NR1H4: variants seen among roughly 807,000 people sequenced by gnomAD.
NR1H4 encodes bile acid receptor.
NR1H4 carries 23 observed loss-of-function variants against 58.5 expected under a neutral mutation model. The observed-to-expected ratio is 0.39, with a 90% CI of 0.28 to 0.56. NR1H4 has a LOEUF of 0.56. Ranked by LOEUF, NR1H4 falls within the 20% of genes least tolerant of loss-of-function variation. The pLI is 0.58. For missense variants in NR1H4, 487 were observed against 576.9 expected (o/e 0.84, Z 1.60); for synonymous variants, 214 against 198.0 (o/e 1.08, Z -0.68).
At chr12:100,546,127 T>TGGAGGCTATCAGCC (rs1593122421) in intron 9 of NR1H4, among the ~76,000 whole-genome samples, 1 of 152,264 alleles carries the variant, frequency 6.6e-6, no homozygotes, top group East Asian at 1.9e-4. Flanking sequence ...GGGCGGCAGC[T>TGGAGGCTATCAGCC]GGAGGCTATC....
intron 1 of NR1H4, among the ~76,000 whole-genome samples, chr12:100,492,178 G>A (rs187099104): frequency 6.6e-6 from 1 of 152,146 alleles, no homozygotes; most frequent in Non-Finnish European, 1.5e-5. Flanking sequence ...GAAGGAAACA[G>A]GTTTCTGGTG....
rs948660887 is a variant in NR1H4, at chr12:100,475,711, C to A, written c.-190+1652C>A. Among the ~76,000 whole-genome samples, 4 of 152,260 alleles carry A rather than the reference C, an allele frequency of 2.6e-5. No homozygotes were observed. In the East Asian group the frequency reaches 5.8e-4, roughly 22 times the overall value. ...TTCGCCTGTTTCCTTCTCACAAAAA[C>A]CCTGTATGGGAGTTTTTCTTTACTT... On this transcript the variant is annotated intron_variant, in intron 1 of 10. Coordinates refer to ENST00000392986, the MANE Select transcript of NR1H4 (RefSeq NM_001206979.2).
At chr12:100,500,016 A>G (rs2136120740) in intron 3 of NR1H4, 1 of 455,336 alleles carries the variant, frequency 2.2e-6, no homozygotes, top group Non-Finnish European at 4.4e-6. Flanking sequence ...CTCACAACAC[A>G]CCTATAAGGT....
intron 1 of NR1H4, among the ~76,000 whole-genome samples, chr12:100,485,352 G>C (rs1162841339): frequency 3.9e-5 from 6 of 152,122 alleles, no homozygotes; most frequent in African/African-American, 7.2e-5. Context: ...AGGCTGGGTT[G>C]GGTCTGAGAG....
chr12:100,559,575 G>A (rs375895784), intron 9 of NR1H4, among the ~76,000 whole-genome samples: 27 of 152,192 alleles, frequency 1.8e-4, no homozygotes, highest in African/African-American at 6.3e-4. Flanking sequence ...CCAGCCCACC[G>A]GCGCTGCGCT....
At chr12:100,549,797 T>C (rs2136285299) in intron 9 of NR1H4, among the ~76,000 whole-genome samples, 1 of 152,338 alleles carries the variant, frequency 6.6e-6, no homozygotes, top group African/African-American at 2.4e-5. Flanking sequence ...ATTTTATCTA[T>C]AATGTTTTCA....
intron 3 of NR1H4, among the ~76,000 whole-genome samples, chr12:100,499,262 C>T (rs910524151): frequency 3.3e-5 from 5 of 152,270 alleles, no homozygotes; most frequent in Admixed American, 6.5e-5. Flanking sequence ...CTCAAGTGAA[C>T]GTAGTTCTGA....
chr12:100,508,381 A>T (rs1169470435), intron 3 of NR1H4, among the ~76,000 whole-genome samples: 2 of 152,118 alleles, frequency 1.3e-5, no homozygotes, highest in Non-Finnish European at 2.9e-5. Flanking sequence ...GTTATAGGTT[A>T]TGTGCAAGCG....
In NR1H4 at chr12:100,510,760, G is replaced by A; in HGVS notation, c.80-18G>A. On this transcript the variant is annotated intron_variant, in intron 3 of 10. Transcript: ENST00000392986. ...GAATGATGACATTCATTCCAGTTTT[G>A]TTGTCACTTTTGTTCAGGTGTTTTA... 2 of 1,613,648 alleles carry A rather than the reference G, an allele frequency of 1.2e-6. No homozygotes were observed. Among genetic ancestry groups the A allele is most frequent in the Non-Finnish European group, 1.7e-6 (2 of 1,179,780 alleles).
In NR1H4 at chr12:100,563,535, T is replaced by A; in HGVS notation, c.*46T>A. ...TCTAGCTCCTTTTTCTCTCTCATAT[T>A]AATCTGATGTATAACTTTCCTTTAT... On this transcript the variant is annotated 3_prime_UTR_variant, in exon 11 of 11. Transcript: ENST00000392986. 1 of 1,368,892 alleles carries A rather than the reference T, an allele frequency of 7.3e-7. No individual in the cohort carries two copies. Among genetic ancestry groups the A allele is most frequent in the Non-Finnish European group, 1.0e-6 (1 of 956,214 alleles). 84.8% of individuals were successfully genotyped at this position (1,368,892 alleles called of 1,614,324 possible). A position where few individuals can be genotyped will look rare whatever the true frequency, so the allele number is the denominator to read the frequency against.
intron 4 of NR1H4, among the ~76,000 whole-genome samples, chr12:100,523,967 A>C (rs1954491767): frequency 6.6e-6 from 1 of 152,230 alleles, no homozygotes; most frequent in African/African-American, 2.4e-5. Flanking sequence ...AAAAAGATTA[A>C]GAAATATAAA....
chr12:100,509,264 C>G lies in NR1H4; in HGVS notation c.80-1514C>G, dbSNP rs145512914. Reference sequence around the variant, plus strand: ...ATTGTCTGACAACACTTTGAAGAGTCAGACACATTTGTAAACTTTCCTATC... The same window carrying G: ...ATTGTCTGACAACACTTTGAAGAGTGAGACACATTTGTAAACTTTCCTATC... On this transcript the variant is annotated intron_variant, in intron 3 of 10. Coordinates refer to ENST00000392986, the MANE Select transcript of NR1H4 (RefSeq NM_001206979.2). Among the ~76,000 whole-genome samples, 205 of 152,286 alleles carry G rather than the reference C, an allele frequency of 1.3e-3. 1 individual carries two copies. Among genetic ancestry groups the G allele is most frequent in the African/African-American group, 4.6e-3 (193 of 41,566 alleles).
chr12:100,503,225 A>G (rs182811097), intron 3 of NR1H4: 1 of 815,044 alleles, frequency 1.2e-6, no homozygotes. Flanking sequence ...TTTATCTAAG[A>G]GACTGGTTTC....
chr12:100,546,117 G>A (rs1170004995), intron 9 of NR1H4, among the ~76,000 whole-genome samples: 1 of 152,142 alleles, frequency 6.6e-6, no homozygotes, highest in Non-Finnish European at 1.5e-5. Flanking sequence ...AGCACTCACA[G>A]GGCGGCAGCT....
intron 4 of NR1H4, 29 bp downstream of exon 4, chr12:100,511,172 C>T (rs746405280): frequency 2.0e-5 from 33 of 1,613,892 alleles, no homozygotes; most frequent in East Asian, 2.2e-5. Context: ...CAGTTTTCTC[C>T]TTCAGGTTTT....
rs1042349068 is a variant in NR1H4 at position 100,493,313 on chromosome 12, G to A, written c.-11G>A. 5.5e-6 allele frequency: 8 copies of A among 1,460,062 alleles called. No homozygotes were observed. Among genetic ancestry groups the A allele is most frequent in the Middle Eastern group, 1.7e-4 (1 of 5,752 alleles). 90.4% of individuals were successfully genotyped at this position (1,460,062 alleles called of 1,614,324 possible). ...ACCATAAAGAAAGTGCATTTCAATT[G>A]AAAAATTTGGATGGGATCAAAAATG... On this transcript the variant is annotated 5_prime_UTR_variant, in exon 3 of 11. Coordinates refer to ENST00000392986, the MANE Select transcript of NR1H4 (RefSeq NM_001206979.2).
chr12:100,494,986 C>A (rs1953682492), intron 3 of NR1H4, among the ~76,000 whole-genome samples: 1 of 152,152 alleles, frequency 6.6e-6, no homozygotes, highest in African/African-American at 2.4e-5. Context: ...TACAAGCTAG[C>A]CCAATTTTCA....
chr12:100,552,139 T>A (rs1215628326), intron 9 of NR1H4, among the ~76,000 whole-genome samples: 1 of 152,156 alleles, frequency 6.6e-6, no homozygotes, highest in Non-Finnish European at 1.5e-5. Flanking sequence ...ACTAATATAG[T>A]GCCTGACACA....
At chr12:100,552,921 A>T (rs78584626) in intron 9 of NR1H4, among the ~76,000 whole-genome samples, 51 of 125,198 alleles carry the variant, frequency 4.1e-4, no homozygotes, top group South Asian at 1.3e-3. Context: ...ATTCTGTCAT[A>T]AAAAAAAAAA....
Sources: gnomAD v4.1 joint callset for allele counts (sites outside exome capture counted in the v4.1 genomes callset) on GRCh38, gnomAD v4.1.1 for gene constraint, MANE v1.5 for transcripts, NCBI Gene and HGNC (gene_info 2026-07-23, HGNC 2026-07-21) for gene names.